Variants in TRPC1 observed in about 807,000 individuals in gnomAD.
The protein encoded by TRPC1 is transient receptor potential cation channel subfamily C member 1.
A neutral mutation model predicts 88.2 loss-of-function variants in TRPC1; 42 were observed. The ratio of observed to expected loss-of-function variants is 0.48; its 90% CI spans 0.37 to 0.62. The LOEUF (loss-of-function observed/expected upper bound fraction) is 0.62. TRPC1 is among the 20% of genes least tolerant of loss of function. The pLI is 0.00. For synonymous variants in TRPC1, 288 were observed against 331.8 expected (o/e 0.87, Z 1.43); for missense variants, 699 against 957.3 (o/e 0.73, Z 3.56).
rs565699057 is a variant in TRPC1 at position 142,772,951 on chromosome 3, AT to A, written c.633-4679del. On this transcript the variant is annotated intron_variant, in intron 4 of 12. Coordinates refer to ENST00000476941, the MANE Select transcript of TRPC1 (RefSeq NM_001251845.2). ...TTGGCCATCTTCATGTTCACATGAC[AT>A]TCTCCCTGTTTGCGTGCCTGTCTCC... Among the ~76,000 whole-genome samples the A allele has an allele frequency of 1.7e-4, 26 of 152,228 alleles. No homozygotes were observed. The South Asian group carries it at 5.4e-3, about 32-fold the overall frequency.
chr3:142,773,221 CTT>C (rs944906956), intron 4 of TRPC1, among the ~76,000 whole-genome samples: 2 of 151,076 alleles, frequency 1.3e-5, no homozygotes, highest in South Asian at 2.1e-4. Context: ...CCATTATAGT[CTT>C]TTTTTTTGAG....
chr3:142,725,974 A>C (rs1933655875), intron 1 of TRPC1, among the ~76,000 whole-genome samples: 2 of 152,168 alleles, frequency 1.3e-5, no homozygotes, highest in Non-Finnish European at 2.9e-5. Context: ...AATATTAATA[A>C]TATTGTTAAA....
chr3:142,725,435 A>T (rs1337059818), intron 1 of TRPC1, among the ~76,000 whole-genome samples: 1 of 152,218 alleles, frequency 6.6e-6, no homozygotes, highest in Non-Finnish European at 1.5e-5. Flanking sequence ...TTGGGAGATA[A>T]AGATAGTGAA....
intron 3 of TRPC1, among the ~76,000 whole-genome samples, chr3:142,743,908 A>G (rs1934443208): frequency 6.6e-6 from 1 of 152,144 alleles, no homozygotes; most frequent in Admixed American, 6.6e-5. Context: ...TGAAACCAAC[A>G]AACTGGAAGA....
At chr3:142,744,578 ATAGT>A (rs1167752994) in intron 3 of TRPC1, among the ~76,000 whole-genome samples, 1 of 152,228 alleles carries the variant, frequency 6.6e-6, no homozygotes, top group African/African-American at 2.4e-5. Context: ...TTTTAAAAGA[ATAGT>A]TAGGAACATG....
chr3:142,724,673 G>GGAGGTGAAGGAGGAGAAT lies in TRPC1; in HGVS notation c.115_132dup (p.Glu39_Asn44dup). On this transcript the variant is annotated inframe_insertion, in exon 1 of 13. Transcript: ENST00000476941. This position sits in a 1 kb window ranked among gnomAD's most constrained non-coding sequence, Gnocchi z 5.6. ...AGGTGATGGCGCTGAAGGATGTGCG[G>GGAGGTGAAGGAGGAGAAT]GAGGTGAAGGAGGAGAATACGCTGA... is the stretch of plus-strand genomic sequence containing the variant. 6.2e-7 allele frequency: 1 copy of GGAGGTGAAGGAGGAGAAT among 1,611,156 alleles called. No individual in the cohort carries two copies. The highest frequency in any genetic ancestry group is 2.2e-5 in the East Asian group (1 of 44,558).
chr3:142,797,286 G>A (rs994186506), intron 9 of TRPC1, among the ~76,000 whole-genome samples: 3 of 151,430 alleles, frequency 2.0e-5, no homozygotes, highest in African/African-American at 4.9e-5. Flanking sequence ...TAGGAGGTGC[G>A]TTTCTTTCCC....
chr3:142,763,881 A>C (rs1264752879), intron 4 of TRPC1, among the ~76,000 whole-genome samples: 1 of 150,084 alleles, frequency 6.7e-6, no homozygotes, highest in Non-Finnish European at 1.5e-5. Context: ...TGATTCTTGC[A>C]AAAAACATCT....
Position 142,807,040 on chromosome 3 carries a change from C to T in TRPC1, c.*805C>T, listed in dbSNP as rs1936815622. On this transcript the variant is annotated 3_prime_UTR_variant, in exon 13 of 13. Coordinates refer to ENST00000476941, the MANE Select transcript of TRPC1 (RefSeq NM_001251845.2). ...TGTTTATAAGTTTGCATAGCTACTT[C>T]TCGACATTTGGTTTGTTTTAATTTT... is the stretch of plus-strand genomic sequence containing the variant. 1 of 151,468 alleles carries T rather than the reference C, an allele frequency of 6.6e-6. No individual in the cohort carries two copies. Among genetic ancestry groups the T allele is most frequent in the East Asian group, 1.9e-4 (1 of 5,176 alleles). 9.4% of individuals were successfully genotyped at this position (151,468 alleles called of 1,614,324 possible).
rs1172161848 is a variant in TRPC1 at position 142,784,774 on chromosome 3, G to C, written c.1031G>C (p.Arg344Pro). The C allele has an allele frequency of 6.2e-7, 1 of 1,614,106 alleles. No homozygotes were observed. Among genetic ancestry groups the C allele is most frequent in the African/African-American group, 1.3e-5 (1 of 75,040 alleles). ...VWFGQMSGYRRKPTCKKIMTV... is the reference protein window; with the variant it reads ...VWFGQMSGYRPKPTCKKIMTV... ...TTTGGACAGATGTCGGGTTACCGAC[G>C]CAAGCCCACCTGTAAGAAGATAATG... is the stretch of plus-strand genomic sequence containing the variant. The change falls in exon 7 of 13, where the codon CGC becomes CCC. Residue 344 changes from arginine to proline, a missense_variant. Around this residue, in one of 4 missense-constraint regions of TRPC1, gnomAD observed 426 missense variants for 641.3 expected, o/e 0.66. Coordinates refer to ENST00000476941, the MANE Select transcript of TRPC1 (RefSeq NM_001251845.2).
In TRPC1 at chr3:142,806,344, T is replaced by G. The variant is rs1166491342; in HGVS notation, c.*109T>G. 2.3e-6 allele frequency: 2 copies of G among 851,644 alleles called. No individual in the cohort carries two copies. Among genetic ancestry groups the G allele is most frequent in the Middle Eastern group, 3.6e-4 (1 of 2,766 alleles). The allele number at this position is 851,644 out of a possible 1,614,324, so 52.8% of individuals were successfully genotyped here. A position where few individuals can be genotyped will look rare whatever the true frequency, so the allele number is the denominator to read the frequency against. ...ATATATATTGAAATAAAGAATTATG[T>G]AAAAGCCATTCTTTAAAATATTTAT... On this transcript the variant is annotated 3_prime_UTR_variant, in exon 13 of 13. Transcript: ENST00000476941.
chr3:142,727,108 A>G (rs1051535627), intron 1 of TRPC1, among the ~76,000 whole-genome samples: 3 of 152,208 alleles, frequency 2.0e-5, no homozygotes, highest in Non-Finnish European at 2.9e-5. Context: ...AGACACATCC[A>G]TATTTGGACT....
Position 142,724,436 on chromosome 3 carries a change from C to G in TRPC1, c.-124C>G. On this transcript the variant is annotated 5_prime_UTR_variant, in exon 1 of 13. Coordinates refer to ENST00000476941, the MANE Select transcript of TRPC1 (RefSeq NM_001251845.2). The surrounding 1 kb of genome is among the most constrained non-coding windows in gnomAD (Gnocchi z 5.6). ...CCTTCGGGGCCAACGGGCCTCGAGC[C>G]GAGGCAGCAGTGGGAACGACTCATC... 2.1e-6 allele frequency: 2 copies of G among 970,658 alleles called. No homozygotes were observed. The highest frequency in any genetic ancestry group is 2.8e-6 in the Non-Finnish European group (2 of 703,268). The allele number at this position is 970,658 out of a possible 1,614,324, so 60.1% of individuals were successfully genotyped here. A position where few individuals can be genotyped will look rare whatever the true frequency, so the allele number is the denominator to read the frequency against.
chr3:142,731,445 C>T (rs1458184458), intron 1 of TRPC1, among the ~76,000 whole-genome samples: 2 of 128,918 alleles, frequency 1.6e-5, no homozygotes, highest in African/African-American at 3.1e-5. Flanking sequence ...AGTGCAGTGG[C>T]GTGATCTCGG....
chr3:142,806,877 T>A lies in TRPC1; in HGVS notation c.*642T>A, dbSNP rs1936809815. ...CATGGTTATAATCACTTTATATTTT[T>A]AATGTTTTTTTCACTTAATATTTTA... On this transcript the variant is annotated 3_prime_UTR_variant, in exon 13 of 13. Coordinates refer to ENST00000476941, the MANE Select transcript of TRPC1 (RefSeq NM_001251845.2). The A allele has an allele frequency of 6.6e-6, 1 of 152,034 alleles. No individual in the cohort carries two copies. Among genetic ancestry groups the A allele is most frequent in the African/African-American group, 2.4e-5 (1 of 41,452 alleles). 9.4% of individuals were successfully genotyped at this position (152,034 alleles called of 1,614,324 possible). A position where few individuals can be genotyped will look rare whatever the true frequency, so the allele number is the denominator to read the frequency against.
intron 7 of TRPC1, among the ~76,000 whole-genome samples, chr3:142,788,816 T>C (rs1350028890): frequency 6.6e-6 from 1 of 152,148 alleles, no homozygotes; most frequent in Non-Finnish European, 1.5e-5. Context: ...CTTGGATTAG[T>C]TTCAACTTAC....
chr3:142,738,093 A>G (rs1396405855), intron 2 of TRPC1, among the ~76,000 whole-genome samples: 1 of 152,220 alleles, frequency 6.6e-6, no homozygotes, highest in Non-Finnish European at 1.5e-5. Context: ...ATACTTGATC[A>G]CATTCAGACA....
At chr3:142,780,731 C>A in intron 5 of TRPC1, 103 bp from the exon 6 acceptor site, 1 of 1,165,704 alleles carries the variant, frequency 8.6e-7, no homozygotes, top group Non-Finnish European at 1.2e-6. Context: ...TTGTGTAACA[C>A]TGTCAGAATT....
intron 9 of TRPC1, among the ~76,000 whole-genome samples, 172 bp from the exon 10 acceptor site, chr3:142,801,997 T>A (rs530491507): frequency 6.6e-6 from 1 of 152,240 alleles, no homozygotes; most frequent in Admixed American, 6.5e-5. Context: ...GACTTTTTGT[T>A]AGGCAGCTGG....
Sources: gnomAD v4.1 joint callset for allele counts (sites outside exome capture counted in the v4.1 genomes callset) on GRCh38, gnomAD v4.1.1 for gene constraint, gnomAD v4.1.1 regional missense constraint, Gnocchi (gnomAD v3.1) non-coding constraint, MANE v1.5 for transcripts, NCBI Gene and HGNC (gene_info 2026-07-23, HGNC 2026-07-21) for gene names.